Variants in SMAD3 observed in about 807,000 individuals in gnomAD.
SMAD3 encodes the protein SMAD family member 3, also known as MAD homolog 3.
Under a neutral mutation model 51.8 loss-of-function variants are expected in SMAD3, and 12 were observed. The ratio of observed to expected loss-of-function variants is 0.23; its 90% confidence interval spans 0.15 to 0.38. The LOEUF (loss-of-function observed/expected upper bound fraction) is 0.38. SMAD3 is among the 10% of genes least tolerant of loss of function. The probability of loss-of-function intolerance (pLI) is 1.00; values close to 1 mark genes in which losing one functional copy is unlikely to be tolerated. For synonymous variants in SMAD3, 238 were observed against 227.7 expected (o/e 1.05, Z -0.41); for missense variants, 294 against 565.6 (o/e 0.52, Z 4.87).
intron 1 of SMAD3, among the ~76,000 whole-genome samples, chr15:67,082,399 A>G (rs1960297406): frequency 6.6e-6 from 1 of 152,144 alleles, no homozygotes; most frequent in African/African-American, 2.4e-5. Context: ...AATGATAACA[A>G]CTTGCCCTAG....
chr15:67,172,844 A>C (rs994502354), intron 5 of SMAD3, among the ~76,000 whole-genome samples: 1 of 152,088 alleles, frequency 6.6e-6, no homozygotes, highest in South Asian at 2.1e-4. Flanking sequence ...TTGGAGGAAC[A>C]AGGCTCAGAC....
intron 1 of SMAD3, among the ~76,000 whole-genome samples, chr15:67,154,522 C>A (rs1962231355): frequency 6.6e-6 from 1 of 152,220 alleles, no homozygotes; most frequent in African/African-American, 2.4e-5. Flanking sequence ...CCTCAATTAT[C>A]TAGAACCTGG....
rs1963454912 is a variant in SMAD3 at position 67,194,600 on chromosome 15, T to G, written c.*4064T>G. On this transcript the variant is annotated 3_prime_UTR_variant, in exon 9 of 9. Transcript: ENST00000327367. ...TTCAGACAGATAACTATTTAATTTT[T>G]TTTAAGAAAGTTGGAAAGGTCTCTC... 1 of 231,992 alleles carries G rather than the reference T, an allele frequency of 4.3e-6. No individual in the cohort carries two copies. The highest frequency in any genetic ancestry group is 6.1e-5 in the East Asian group (1 of 16,424). 14.4% of individuals were successfully genotyped at this position (231,992 alleles called of 1,614,324 possible). A position where few individuals can be genotyped will look rare whatever the true frequency, so the allele number is the denominator to read the frequency against.
chr15:67,095,768 C>T (rs1960603065), intron 1 of SMAD3, among the ~76,000 whole-genome samples: 1 of 152,206 alleles, frequency 6.6e-6, no homozygotes, highest in Non-Finnish European at 1.5e-5. Flanking sequence ...CTCCTGACCT[C>T]AGGTGATCCA....
intron 6 of SMAD3, among the ~76,000 whole-genome samples, 194 bp downstream of exon 6, chr15:67,181,647 G>A (rs1050301728): frequency 1.3e-5 from 2 of 151,954 alleles, no homozygotes; most frequent in African/African-American, 4.8e-5. Flanking sequence ...CCCTGTTTAG[G>A]GGCCAGACAG....
At chr15:67,169,723 A>G (rs1393702172) in intron 4 of SMAD3, among the ~76,000 whole-genome samples, 1 of 151,052 alleles carries the variant, frequency 6.6e-6, no homozygotes, top group African/African-American at 2.4e-5. Context: ...TCAGCCTCTC[A>G]AAGTGCTGGG....
Position 67,166,467 on chromosome 15 carries a change from G to A in SMAD3, c.533-312G>A, listed in dbSNP as rs28360855. ...GCAAGTCTGGACGCCTCCCTGGAGGGGGTGGGGCTTAACCCTCACCTTGAA... is the reference window on the plus strand; with the variant it reads ...GCAAGTCTGGACGCCTCCCTGGAGGAGGTGGGGCTTAACCCTCACCTTGAA... On this transcript the variant is annotated intron_variant, in intron 3 of 8. Transcript: ENST00000327367. The A allele has an allele frequency of 0.55, 267,275 of 484,882 alleles. 75,336 individuals carry two copies. Among genetic ancestry groups the A allele is most frequent in the Middle Eastern group, 0.64 (1,095 of 1,704 alleles). 30.0% of individuals were successfully genotyped at this position (484,882 alleles called of 1,614,324 possible).
intron 1 of SMAD3, among the ~76,000 whole-genome samples, chr15:67,147,099 C>G (rs1356196407): frequency 6.6e-6 from 1 of 152,186 alleles, no homozygotes; most frequent in South Asian, 2.1e-4. Context: ...TTTAACGTTC[C>G]CCTCCATTGT....
rs566601240 is a variant in SMAD3, at chr15:67,115,983, T to A, written c.207-48912T>A. 5.9e-5 allele frequency among the ~76,000 whole-genome samples: 9 copies of A among 152,258 alleles called. No individual in the cohort carries two copies. The South Asian group carries it at 6.2e-4, about 11-fold the overall frequency. ...CTGGACTTCTGTAGAGAGACTTCTG[T>A]AACCACTGTACCCTCTGGAAGTGGG... On this transcript the variant is annotated intron_variant, in intron 1 of 8. Transcript: ENST00000327367.
chr15:67,151,890 T>A (rs539296939), intron 1 of SMAD3, among the ~76,000 whole-genome samples: 2 of 152,324 alleles, frequency 1.3e-5, no homozygotes, highest in Non-Finnish European at 2.9e-5. Flanking sequence ...TATGTTACTA[T>A]ATAAGCATTC....
intron 5 of SMAD3, among the ~76,000 whole-genome samples, chr15:67,175,852 C>T (rs1962877477): frequency 6.6e-6 from 1 of 152,220 alleles, no homozygotes. Flanking sequence ...ATGCTGCTGC[C>T]CAAGGCTCTT....
At chr15:67,067,007 G>A (rs1959938101) in intron 1 of SMAD3, among the ~76,000 whole-genome samples, 1 of 152,224 alleles carries the variant, frequency 6.6e-6, no homozygotes, top group Non-Finnish European at 1.5e-5. Flanking sequence ...GCAGTGCAAT[G>A]CTCTGACTTC....
At chr15:67,180,702 T>G (rs1766392196) in intron 5 of SMAD3, among the ~76,000 whole-genome samples, 1 of 151,048 alleles carries the variant, frequency 6.6e-6, no homozygotes, top group Non-Finnish European at 1.5e-5. Context: ...AGGCTGGGAG[T>G]TTTTGCCCCC....
chr15:67,186,900 G>A, intron 7 of SMAD3: 1 of 361,250 alleles, frequency 2.8e-6, no homozygotes. Flanking sequence ...GTCTCTGGGG[G>A]CACTGCCTGC....
intron 1 of SMAD3, among the ~76,000 whole-genome samples, chr15:67,092,851 G>A (rs1382274710): frequency 4.6e-5 from 7 of 152,194 alleles, no homozygotes; most frequent in African/African-American, 1.7e-4. Flanking sequence ...TAACAGGCAC[G>A]ATGTTCCATA....
intron 1 of SMAD3, among the ~76,000 whole-genome samples, chr15:67,112,142 T>TTTCTTTCC (rs1961028401): frequency 1.1e-5 from 1 of 87,210 alleles, no homozygotes; most frequent in Non-Finnish European, 2.3e-5. Flanking sequence ...GCCATTTCTT[T>TTTCTTTCC]TTTTTTCTTT....
At chr15:67,157,491 G>A (rs563543922) in intron 1 of SMAD3, among the ~76,000 whole-genome samples, 10 of 152,224 alleles carry the variant, frequency 6.6e-5, no homozygotes, top group African/African-American at 9.7e-5. Context: ...TGAGCTGGGC[G>A]AGGGTCCTGG....
At chr15:67,093,468 C>T (rs975015256) in intron 1 of SMAD3, among the ~76,000 whole-genome samples, 4 of 152,288 alleles carry the variant, frequency 2.6e-5, no homozygotes, top group Non-Finnish European at 5.9e-5. Flanking sequence ...GTGACTGTCA[C>T]GCTCCTGGCA....
chr15:67,094,512 T>C (rs1010018460), intron 1 of SMAD3, among the ~76,000 whole-genome samples: 2 of 152,188 alleles, frequency 1.3e-5, no homozygotes, highest in African/African-American at 4.8e-5. Context: ...CGGGGTGTGA[T>C]AACATGGAAC....
Sources: allele counts gnomAD v4.1 joint callset (sites outside exome capture counted in the v4.1 genomes callset), GRCh38; gene constraint gnomAD v4.1.1; transcripts MANE v1.5; gene names NCBI Gene and HGNC (gene_info 2026-07-23, HGNC 2026-07-21).